Variants in NAA15 observed in about 807,000 individuals in gnomAD.
NAA15 encodes the protein N-terminal acetyltransferase.
NAA15 carries 34 observed loss-of-function variants against 114.0 expected under a neutral mutation model. The observed-to-expected ratio is 0.30, with a 90% CI of 0.23 to 0.40. NAA15 has a LOEUF of 0.40. Ranked by LOEUF, NAA15 falls within the 10% of genes least tolerant of loss-of-function variation. The probability of loss-of-function intolerance (pLI) is 1.00; values close to 1 mark genes in which losing one functional copy is unlikely to be tolerated. For synonymous variants in NAA15, 340 were observed against 338.0 expected, an observed-to-expected ratio of 1.01 and a Z score of -0.06; for missense variants, 658 against 1,004.5, an observed-to-expected ratio of 0.66 and a Z score of 4.66.
intron 5 of NAA15, 145 bp downstream of exon 5, chr4:139,343,105 G>GT: frequency 1.6e-6 from 1 of 610,420 alleles, no homozygotes; most frequent in African/African-American, 1.9e-5. Flanking sequence ...CTACATAGGG[G>GT]TTCATTCATA....
intron 1 of NAA15, among the ~76,000 whole-genome samples, chr4:139,308,867 C>T (rs1330258248): frequency 6.6e-6 from 1 of 151,966 alleles, no homozygotes. Context: ...CCACCCACCT[C>T]AGCCTCTCCC....
chr4:139,313,784 G>C lies in NAA15; in HGVS notation c.54+11953G>C, dbSNP rs1172337633. On this transcript the variant is annotated intron_variant, in intron 1 of 19. Transcript: ENST00000296543. ...ACTCCTGACCTCAGGTGATCTGCCC[G>C]CCTCGGCCTACCAAAGTGCTGGCAT... 2.0e-5 allele frequency among the ~76,000 whole-genome samples: 3 copies of C among 151,654 alleles called. No homozygotes were observed. In the East Asian group the frequency reaches 5.8e-4, roughly 29 times the overall value.
chr4:139,364,607 A>G (rs966597552), intron 14 of NAA15, among the ~76,000 whole-genome samples: 1 of 152,204 alleles, frequency 6.6e-6, no homozygotes. Context: ...GGTCATAGGC[A>G]TGGTTTCTTG....
At position 139,385,285 on chromosome 4, in the gene NAA15, T is replaced by A. The variant is rs146087410; in HGVS notation, c.2302+307T>A. ...CAAAACCAAACATATATATATATAATATATATATATATATAATATATATTA... is the reference window on the plus strand; with the variant it reads ...CAAAACCAAACATATATATATATAAAATATATATATATATAATATATATTA... On this transcript the variant is annotated intron_variant, in intron 18 of 19. Transcript: ENST00000296543. Among the ~76,000 whole-genome samples, 16 of 97,406 alleles carry A rather than the reference T, an allele frequency of 1.6e-4. 1 individual carries two copies. Among genetic ancestry groups the A allele is most frequent in the Admixed American group, 3.8e-4 (4 of 10,578 alleles). 63.9% of individuals were successfully genotyped at this position (97,406 alleles called of 152,430 possible).
chr4:139,315,006 T>TTATG (rs1553992520), intron 1 of NAA15, among the ~76,000 whole-genome samples: 1 of 101,530 alleles, frequency 9.8e-6, no homozygotes, highest in African/African-American at 4.8e-5. Context: ...TTCAGTTTAG[T>TTATG]TTAGGTTAGG....
rs552360945 is a variant in NAA15 at position 139,352,290 on chromosome 4, A to G, written c.1014+679A>G. Among the ~76,000 whole-genome samples, 18 of 151,644 alleles carry G rather than the reference A, an allele frequency of 1.2e-4. No homozygotes were observed. The East Asian group carries it at 3.5e-3, about 30-fold the overall frequency. ...TGCCTGGCTAATTTTTGTATTTTTAATAGAGACAGGGTTTCACCGTGTTGG... is the reference window on the plus strand; with the variant it reads ...TGCCTGGCTAATTTTTGTATTTTTAGTAGAGACAGGGTTTCACCGTGTTGG... On this transcript the variant is annotated intron_variant, in intron 9 of 19. Transcript: ENST00000296543.
At chr4:139,339,902 G>A (rs181178084) in intron 3 of NAA15, among the ~76,000 whole-genome samples, 2 of 152,186 alleles carry the variant, frequency 1.3e-5, no homozygotes, top group Admixed American at 1.3e-4. Context: ...TTTGGGAAGT[G>A]GAATATTCTC....
At position 139,378,708 on chromosome 4, in the gene NAA15, G is replaced by T. The variant is rs76253596; in HGVS notation, c.2057-48G>T. On this transcript the variant is annotated intron_variant, in intron 16 of 19. Coordinates refer to ENST00000296543, the MANE Select transcript of NAA15 (RefSeq NM_057175.5). ...TGTGAAGTCTTGGCCCTCCAAAGGA[G>T]GCCTCTTATCCAATGATCAAAATAT... The T allele has an allele frequency of 2.8e-3, 3,267 of 1,184,752 alleles. 6 individuals are homozygous for T. Among genetic ancestry groups the T allele is most frequent in the Non-Finnish European group, 3.4e-3 (2,829 of 838,506 alleles). 73.4% of individuals were successfully genotyped at this position (1,184,752 alleles called of 1,614,324 possible).
chr4:139,349,618 C>A, intron 7 of NAA15, 37 bp downstream of exon 7: 2 of 1,543,476 alleles, frequency 1.3e-6, no homozygotes, highest in Admixed American at 2.1e-5. Flanking sequence ...TTTATTGTTT[C>A]TTTTGTTAAT....
chr4:139,373,390 A>T (rs531362285), intron 15 of NAA15, among the ~76,000 whole-genome samples: 1 of 152,298 alleles, frequency 6.6e-6, no homozygotes, highest in East Asian at 1.9e-4. Flanking sequence ...AGGGCATTCT[A>T]ATCTTATGGG....
chr4:139,365,339 A>C (rs1274966281), intron 14 of NAA15, among the ~76,000 whole-genome samples: 1 of 151,938 alleles, frequency 6.6e-6, no homozygotes, highest in Non-Finnish European at 1.5e-5. Flanking sequence ...CATGCGGCCT[A>C]CATTTGTCTT....
chr4:139,304,824 A>G (rs987093896), intron 1 of NAA15, among the ~76,000 whole-genome samples: 5 of 151,894 alleles, frequency 3.3e-5, no homozygotes, highest in African/African-American at 9.7e-5. Context: ...TTAGAACCAC[A>G]TCCATTATCT....
chr4:139,374,427 T>G (rs1748526884), intron 15 of NAA15, among the ~76,000 whole-genome samples: 1 of 152,238 alleles, frequency 6.6e-6, no homozygotes. Flanking sequence ...ATGGGAGGCA[T>G]GACTGTCACA....
intron 19 of NAA15, chr4:139,386,506 A>G (rs1748913197): frequency 4.2e-6 from 1 of 236,580 alleles, no homozygotes; most frequent in Non-Finnish European, 8.3e-6. Context: ...CTGAGCAAGC[A>G]GTGGTCTCAG....
chr4:139,385,664 A>G (rs1241316676), intron 18 of NAA15, among the ~76,000 whole-genome samples: 1 of 152,160 alleles, frequency 6.6e-6, no homozygotes, highest in Non-Finnish European at 1.5e-5. Context: ...TGTGGGTAGT[A>G]CTTTTCAAAT....
intron 9 of NAA15, among the ~76,000 whole-genome samples, chr4:139,351,933 G>A (rs1747791527): frequency 6.8e-6 from 1 of 147,734 alleles, no homozygotes; most frequent in Admixed American, 6.7e-5. Flanking sequence ...AAGCCAGAGT[G>A]TGCTTGTTTT....
intron 15 of NAA15, among the ~76,000 whole-genome samples, chr4:139,372,157 C>T (rs991933881): frequency 4.6e-5 from 7 of 152,066 alleles, no homozygotes; most frequent in African/African-American, 1.7e-4. Flanking sequence ...ACCTCATGAT[C>T]CTCCCGCCTC....
chr4:139,360,016 T>G, intron 12 of NAA15, 121 bp downstream of exon 12: 1 of 866,752 alleles, frequency 1.2e-6, no homozygotes, highest in Non-Finnish European at 1.7e-6. Context: ...TAGCCAAGAT[T>G]TTAATTAAAT....
At chr4:139,342,479 GT>G (rs11402847) in intron 4 of NAA15, among the ~76,000 whole-genome samples, 135 of 125,528 alleles carry the variant, frequency 1.1e-3, no homozygotes, top group South Asian at 2.8e-3. Context: ...ATTAATGTGT[GT>G]TTTTTTTTTT....
Sources: gnomAD v4.1 joint callset for allele counts (sites outside exome capture counted in the v4.1 genomes callset) on GRCh38, gnomAD v4.1.1 for gene constraint, MANE v1.5 for transcripts, NCBI Gene and HGNC (gene_info 2026-07-23, HGNC 2026-07-21) for gene names.